The following GRID2 variants were observed in gnomAD, a reference collection of about 807,000 sequenced individuals.
The protein encoded by GRID2 is glutamate ionotropic receptor delta type subunit 2, also known as glutamate receptor ionotropic, delta-2.
A neutral mutation model predicts 114.8 loss-of-function variants in GRID2; 33 were observed. The observed-to-expected ratio is 0.29, with a 90% confidence interval of 0.22 to 0.38. The LOEUF is 0.38. Ranked by LOEUF, GRID2 falls within the 10% of genes least tolerant of loss-of-function variation. The pLI is 1.00. For missense variants in GRID2, 1,184 were observed against 1,257.7 expected (o/e 0.94, Z 0.89); for synonymous variants, 505 against 449.9 (o/e 1.12, Z -1.55).
At chr4:92,943,628 G>T (rs1055102913) in intron 2 of GRID2, among the ~76,000 whole-genome samples, 9 of 152,182 alleles carry the variant, frequency 5.9e-5, no homozygotes, top group African/African-American at 2.2e-4. Context: ...GTGAGGAGCT[G>T]CATTCCTTTG....
At chr4:93,522,387 C>T (rs1200771289) in intron 13 of GRID2, among the ~76,000 whole-genome samples, 2 of 152,030 alleles carry the variant, frequency 1.3e-5, no homozygotes, top group Non-Finnish European at 2.9e-5. Context: ...GGTTTGTAAT[C>T]GGTGGTCATG....
At chr4:92,664,545 A>G (rs1381863819) in intron 2 of GRID2, among the ~76,000 whole-genome samples, 1 of 151,002 alleles carries the variant, frequency 6.6e-6, no homozygotes, top group Non-Finnish European at 1.5e-5. Context: ...CATGTTCTTT[A>G]TATGTCTGTT....
rs1203625692 is a variant in GRID2, at chr4:92,923,176, TA to T, written c.245-161816del. On this transcript the variant is annotated intron_variant, in intron 2 of 15. Coordinates refer to ENST00000282020, the MANE Select transcript of GRID2 (RefSeq NM_001510.4). ...GTAGTAATCTTAATGCATATTGGTT[TA>T]AATTTGCATATTTTAAGTTTTGAAA... is the stretch of plus-strand genomic sequence containing the variant. Among the ~76,000 whole-genome samples, 5 of 152,222 alleles carry T rather than the reference TA, an allele frequency of 3.3e-5. No homozygotes were observed. In the South Asian group the frequency reaches 1.0e-3, roughly 31 times the overall value.
chr4:93,488,878 G>A (rs763527702), intron 11 of GRID2, among the ~76,000 whole-genome samples: 3 of 151,726 alleles, frequency 2.0e-5, no homozygotes, highest in Non-Finnish European at 2.9e-5. Context: ...CAGTCATATC[G>A]GATTAGAATC....
At chr4:92,479,390 A>G (rs1430571080) in intron 1 of GRID2, among the ~76,000 whole-genome samples, 1 of 152,172 alleles carries the variant, frequency 6.6e-6, no homozygotes, top group East Asian at 1.9e-4. Context: ...CTGTGGTTAT[A>G]TGGATTAAAA....
At chr4:92,374,626 A>G (rs753268242) in intron 1 of GRID2, among the ~76,000 whole-genome samples, 7 of 152,184 alleles carry the variant, frequency 4.6e-5, no homozygotes, top group African/African-American at 9.7e-5. Context: ...GACTCTTTTC[A>G]TCAACACATT....
At chr4:92,771,057 T>C (rs1738519417) in intron 2 of GRID2, among the ~76,000 whole-genome samples, 1 of 150,170 alleles carries the variant, frequency 6.7e-6, no homozygotes, top group South Asian at 2.1e-4. Context: ...TTTTTGCCAA[T>C]ACCTAAGGTG....
chr4:93,482,148 C>T (rs546592033), intron 11 of GRID2, among the ~76,000 whole-genome samples: 27 of 151,874 alleles, frequency 1.8e-4, no homozygotes, highest in African/African-American at 5.5e-4. Context: ...ATTTCAGAAC[C>T]TTATTATCTG....
At chr4:92,654,516 T>C (rs2149264483) in intron 2 of GRID2, among the ~76,000 whole-genome samples, 1 of 152,108 alleles carries the variant, frequency 6.6e-6, no homozygotes, top group African/African-American at 2.4e-5. Context: ...GAGGAGCAGT[T>C]TGAGCCAATT....
chr4:92,835,089 T>C lies in GRID2; in HGVS notation c.244+244803T>C, dbSNP rs534125889. ...TAAATAAGTCAAAGAATCACAAAAT[T>C]TTAATATGATATGGCAGTGCTCAAT... On this transcript the variant is annotated intron_variant, in intron 2 of 15. Coordinates refer to ENST00000282020, the MANE Select transcript of GRID2 (RefSeq NM_001510.4). Among the ~76,000 whole-genome samples the C allele has an allele frequency of 2.6e-5, 4 of 152,120 alleles. No homozygotes were observed. In the South Asian group the frequency reaches 6.2e-4, roughly 24 times the overall value.
intron 2 of GRID2, among the ~76,000 whole-genome samples, chr4:93,076,066 C>T (rs1467053119): frequency 6.6e-6 from 1 of 151,690 alleles, no homozygotes; most frequent in Non-Finnish European, 1.5e-5. Flanking sequence ...ACCACGCCAG[C>T]TAATTTTTTG....
At chr4:93,307,873 A>G (rs1755596947) in intron 8 of GRID2, among the ~76,000 whole-genome samples, 1 of 61,648 alleles carries the variant, frequency 1.6e-5, no homozygotes, top group Non-Finnish European at 3.0e-5. Flanking sequence ...TTCTAGCTGC[A>G]TTTTTAATTT....
At chr4:93,033,663 T>C (rs1724649156) in intron 2 of GRID2, among the ~76,000 whole-genome samples, 1 of 152,126 alleles carries the variant, frequency 6.6e-6, no homozygotes, top group Non-Finnish European at 1.5e-5. Context: ...CCCCTTCCTC[T>C]CTATCTCCAT....
At chr4:93,464,695 T>C (rs186622776) in intron 11 of GRID2, among the ~76,000 whole-genome samples, 9 of 152,318 alleles carry the variant, frequency 5.9e-5, no homozygotes, top group Non-Finnish European at 1.2e-4. Flanking sequence ...TTTTTTCTTT[T>C]TTGTGTCAAA....
intron 1 of GRID2, among the ~76,000 whole-genome samples, chr4:93,785,008 G>C (rs1734563853): frequency 6.6e-6 from 1 of 152,202 alleles, no homozygotes; most frequent in Non-Finnish European, 1.5e-5. Context: ...GAAAGAGAAT[G>C]TACAATTTTC....
chr4:92,554,235 G>A (rs879774915), intron 1 of GRID2, among the ~76,000 whole-genome samples: 13 of 152,140 alleles, frequency 8.5e-5, no homozygotes, highest in Non-Finnish European at 1.6e-4. Flanking sequence ...CACATGCTGT[G>A]TTCATTTATG....
At chr4:92,992,396 G>A (rs1754961578) in intron 2 of GRID2, among the ~76,000 whole-genome samples, 1 of 152,062 alleles carries the variant, frequency 6.6e-6, no homozygotes. Context: ...ATGACCCCTG[G>A]AGCCTCAAAT....
intron 13 of GRID2, among the ~76,000 whole-genome samples, chr4:93,596,395 G>A (rs991107824): frequency 2.6e-5 from 4 of 152,132 alleles, no homozygotes; most frequent in African/African-American, 7.2e-5. Flanking sequence ...TGGCTAACAC[G>A]GTGAAACCCT....
chr4:93,122,890 G>GTTTTTTTTTTTTTTTTTTTTTTTTT (rs886185779), intron 4 of GRID2, among the ~76,000 whole-genome samples: 1 of 69,804 alleles, frequency 1.4e-5, no homozygotes, highest in Non-Finnish European at 2.5e-5. Context: ...ACAGATGTGG[G>GTTTTTTTTTTTTTTTTTTTTTTTTT]TTTTTTTTTT....
Sources: allele counts gnomAD v4.1 joint callset (sites outside exome capture counted in the v4.1 genomes callset), GRCh38; gene constraint gnomAD v4.1.1; transcripts MANE v1.5; gene names NCBI Gene and HGNC (gene_info 2026-07-23, HGNC 2026-07-21).